The following M1AP variants were observed in gnomAD, a reference collection of about 807,000 sequenced individuals.
M1AP encodes the protein meiosis 1 associated protein.
M1AP carries 39 observed loss-of-function variants against 51.2 expected under a neutral mutation model. The observed-to-expected ratio is 0.76, with a 90% CI of 0.59 to 1.00. The LOEUF is 1.00. M1AP is among the 50% of genes least tolerant of loss of function. The pLI is 0.00. For missense variants in M1AP, 545 were observed against 641.2 expected (o/e 0.85, Z 1.62); for synonymous variants, 251 against 249.2 (o/e 1.01, Z -0.07).
chr2:74,561,235 G>GAGGAGGAGGAGAAGGAGGAGGAGGAGA (rs1677980487), intron 8 of M1AP, among the ~76,000 whole-genome samples: 2 of 126,906 alleles, frequency 1.6e-5, no homozygotes, highest in African/African-American at 7.0e-5. Context: ...GGAGGAGAAG[G>GAGGAGGAGGAGAAGGAGGAGGAGGAGA]AGGAGGAGGA....
intron 4 of M1AP, among the ~76,000 whole-genome samples, chr2:74,590,268 C>T (rs1679962311): frequency 6.6e-6 from 1 of 152,180 alleles, no homozygotes; most frequent in African/African-American, 2.4e-5. Flanking sequence ...CCCCTTCTCA[C>T]TGTATCCTCA....
intron 2 of M1AP, chr2:74,618,875 T>G (rs1681838867): frequency 2.0e-6 from 1 of 508,568 alleles, no homozygotes; most frequent in Admixed American, 2.0e-5. Context: ...TAGCTGTCAT[T>G]GTTCAGTCTT....
rs147354601 is a variant in M1AP, at chr2:74,624,712, C to T, written c.241-9563G>A. Among the ~76,000 whole-genome samples the T allele has an allele frequency of 1.4e-3, 211 of 152,178 alleles. 1 individual carries two copies. In the East Asian group the frequency reaches 0.027, roughly 20 times the overall value. On this transcript the variant is annotated intron_variant, in intron 2 of 10. Transcript: ENST00000421985. The stretch of plus-strand genomic sequence containing the variant: ...AAGGATATGTAATTCTATCATTTTT[C>T]TTCCCTAAATAGAAGTGATGGCAAT...
At chr2:74,594,493 T>C (rs145361164) in intron 4 of M1AP, among the ~76,000 whole-genome samples, 284 of 152,212 alleles carry the variant, frequency 1.9e-3, no homozygotes, top group Non-Finnish European at 1.2e-3. Flanking sequence ...ATTTGGGTAA[T>C]TGAAGTCCTA....
At chr2:74,605,486 A>G (rs917798840) in intron 4 of M1AP, among the ~76,000 whole-genome samples, 2 of 152,240 alleles carry the variant, frequency 1.3e-5, no homozygotes, top group African/African-American at 4.8e-5. Flanking sequence ...AACACCATGC[A>G]TGAGATCTAA....
chr2:74,604,680 A>G (rs1680869014), intron 4 of M1AP, among the ~76,000 whole-genome samples: 1 of 152,166 alleles, frequency 6.6e-6, no homozygotes, highest in Non-Finnish European at 1.5e-5. Context: ...TCCCTGCTCT[A>G]AGACACAGTT....
chr2:74,623,006 C>T (rs1180436865), intron 2 of M1AP, among the ~76,000 whole-genome samples: 1 of 145,130 alleles, frequency 6.9e-6, no homozygotes, highest in Non-Finnish European at 1.5e-5. Context: ...GAGAAGCAAG[C>T]AAAGAAAAGG....
In M1AP at chr2:74,584,567, TTTC is replaced by T. The variant is rs368897669; in HGVS notation, c.596-2723_596-2721del. Among the ~76,000 whole-genome samples the T allele has an allele frequency of 1.3e-3, 193 of 151,716 alleles. 2 individuals carry two copies. Among genetic ancestry groups the T allele is most frequent in the African/African-American group, 4.5e-3 (186 of 41,498 alleles). On this transcript the variant is annotated intron_variant, in intron 4 of 10. Transcript: ENST00000421985. Reference sequence around the variant, plus strand: ...TTTGGGAAAAGAAGTAAGTGTTTCTTTTCTTCTCCCCAGGGAAAGGGTGGATGA... The same window carrying T: ...TTTGGGAAAAGAAGTAAGTGTTTCTTTTCTCCCCAGGGAAAGGGTGGATGA...
At chr2:74,623,243 C>T (rs762989972) in intron 2 of M1AP, among the ~76,000 whole-genome samples, 3 of 152,096 alleles carry the variant, frequency 2.0e-5, no homozygotes, top group Non-Finnish European at 4.4e-5. Context: ...GTGGCTCACG[C>T]CTGTAATCCC....
At chr2:74,598,763 G>A (rs1446866915) in intron 4 of M1AP, among the ~76,000 whole-genome samples, 1 of 151,490 alleles carries the variant, frequency 6.6e-6, no homozygotes, top group Non-Finnish European at 1.5e-5. Flanking sequence ...TGGGACTGCA[G>A]GTGCATGCCA....
chr2:74,632,329 T>C (rs1359842923), intron 2 of M1AP, among the ~76,000 whole-genome samples: 2 of 152,228 alleles, frequency 1.3e-5, no homozygotes, highest in Non-Finnish European at 2.9e-5. Context: ...GCTGGTCATG[T>C]TCTTGGAATA....
chr2:74,561,106 GAGGAGA>G lies in M1AP; in HGVS notation c.1282-821_1282-816del, dbSNP rs1558643598. On this transcript the variant is annotated intron_variant, in intron 8 of 10. Transcript: ENST00000421985. ...GGAGGAGGAGAAGGAGAAGGAGGAGGAGGAGAAGGAGGAGGAGGAGAAGGAGGAGGA... is the reference window on the plus strand; with the variant it reads ...GGAGGAGGAGAAGGAGAAGGAGGAGGAGGAGGAGGAGGAGAAGGAGGAGGA... 1.4e-3 allele frequency among the ~76,000 whole-genome samples: 189 copies of G among 130,830 alleles called. 2 individuals carry two copies. The highest frequency in any genetic ancestry group is 4.2e-3 in the African/African-American group (137 of 32,524). The allele number at this position is 130,830 out of a possible 152,430, so 85.8% of individuals were successfully genotyped here.
intron 5 of M1AP, among the ~76,000 whole-genome samples, chr2:74,577,436 C>A (rs1290606769): frequency 1.3e-5 from 2 of 152,172 alleles, no homozygotes; most frequent in Non-Finnish European, 2.9e-5. Flanking sequence ...AAAACGTATA[C>A]CTGGCTTGAA....
intron 4 of M1AP, among the ~76,000 whole-genome samples, chr2:74,590,144 TG>T (rs2104627159): frequency 6.6e-6 from 1 of 152,266 alleles, no homozygotes; most frequent in South Asian, 2.1e-4. Flanking sequence ...CACAAACCAG[TG>T]GCTTATAAGC....
intron 4 of M1AP, among the ~76,000 whole-genome samples, chr2:74,596,321 G>A (rs914896647): frequency 6.6e-6 from 1 of 152,184 alleles, no homozygotes; most frequent in African/African-American, 2.4e-5. Flanking sequence ...GGTGGCTCAC[G>A]CCTGTTATCC....
In M1AP at chr2:74,640,232, G is replaced by A. The variant is rs368985707; in HGVS notation, c.44C>T (p.Thr15Ile). The change falls in exon 2 of 11, where the codon ACT becomes ATT. Residue 15 changes from threonine (T) to isoleucine (I), a missense_variant. Physicochemically the swap from Thr to Ile is moderately conservative, Grantham distance 89 (BLOSUM62 -1). Coordinates refer to ENST00000421985, the MANE Select transcript of M1AP (RefSeq NM_001321739.2). ...RTTGKGPSTH[T>I]QIDQQPPRLL... is the part of the protein sequence containing the mutation. ...CCGTGGAGGTTGCTGGTCAATCTGA[G>A]TGTGAGTAGAGGGCCCTTTACCAGT... 7.5e-5 allele frequency: 121 copies of A among 1,614,028 alleles called. No homozygotes were observed. The highest frequency in any genetic ancestry group is 9.9e-5 in the Non-Finnish European group (117 of 1,180,026).
intron 4 of M1AP, 82 bp downstream of exon 4, chr2:74,606,973 C>T: frequency 8.6e-7 from 1 of 1,164,748 alleles, no homozygotes; most frequent in Non-Finnish European, 1.3e-6. Flanking sequence ...ATACATGTGC[C>T]ATGTTGGTGT....
intron 1 of M1AP, among the ~76,000 whole-genome samples, chr2:74,644,575 C>T (rs1207296054): frequency 3.3e-5 from 5 of 151,896 alleles, no homozygotes; most frequent in Non-Finnish European, 7.4e-5. Context: ...GATGTATTTC[C>T]CCAAATGAAT....
At chr2:74,606,098 C>T (rs144390197) in intron 4 of M1AP, among the ~76,000 whole-genome samples, 31 of 152,252 alleles carry the variant, frequency 2.0e-4, no homozygotes, top group African/African-American at 7.0e-4. Context: ...GGCTGGTAAG[C>T]TGGCAAATGA....
Sources: allele counts gnomAD v4.1 joint callset (sites outside exome capture counted in the v4.1 genomes callset), GRCh38; gene constraint gnomAD v4.1.1; transcripts MANE v1.5; gene names NCBI Gene and HGNC (gene_info 2026-07-23, HGNC 2026-07-21).